TIPRL: variants seen among roughly 807,000 people sequenced by gnomAD.
TIPRL encodes TOR signaling pathway regulator, also known as TIP41-like protein.
In TIPRL, 10 loss-of-function variants were observed where a neutral mutation model predicts 32.3. The ratio of observed to expected loss-of-function variants is 0.31; its 90% confidence interval spans 0.19 to 0.52. The LOEUF is 0.52. TIPRL is among the 20% of genes least tolerant of loss of function. TIPRL has a pLI of 0.96. For missense variants in TIPRL, 250 were observed against 328.1 expected (o/e 0.76, Z 1.84); for synonymous variants, 100 against 114.0 (o/e 0.88, Z 0.78).
rs752044854 is a variant in TIPRL at position 168,184,804 on chromosome 1, G to T, written c.310G>T (p.Val104Phe). 4 of 1,612,536 alleles carry T rather than the reference G, an allele frequency of 2.5e-6. No individual in the cohort carries two copies. Among genetic ancestry groups the T allele is most frequent in the Non-Finnish European group, 3.4e-6 (4 of 1,179,048 alleles). ...GACGGAGGGTGAACACTCCAAAGAG[G>T]TTATTAAACCATATGATTGGACCTA... is the stretch of plus-strand genomic sequence containing the variant. ...SRTEGEHSKE[V>F]IKPYDWTYTT... The change falls in exon 3 of 7, where the codon GTT becomes TTT. Residue 104 changes from valine to phenylalanine, a missense_variant. Coordinates refer to ENST00000367833, the MANE Select transcript of TIPRL (RefSeq NM_152902.5).
At chr1:168,198,330 T>C (rs1168301300) in intron 5 of TIPRL, among the ~76,000 whole-genome samples, 1 of 152,106 alleles carries the variant, frequency 6.6e-6, no homozygotes, top group Admixed American at 6.5e-5. Context: ...ATTTTGTGGC[T>C]TTTCTTTTAT....
intron 4 of TIPRL, among the ~76,000 whole-genome samples, chr1:168,191,858 C>CGAAAAAAAA (rs1558164787): frequency 2.6e-5 from 1 of 38,898 alleles, no homozygotes; most frequent in Non-Finnish European, 5.6e-5. Context: ...GGCGACAGAG[C>CGAAAAAAAA]AAAAAAAAAA....
At chr1:168,199,420 G>A (rs1700187052) in intron 6 of TIPRL, among the ~76,000 whole-genome samples, 1 of 151,620 alleles carries the variant, frequency 6.6e-6, no homozygotes, top group Non-Finnish European at 1.5e-5. Flanking sequence ...CCCGGGACCT[G>A]TGAAGCCTTC....
intron 4 of TIPRL, among the ~76,000 whole-genome samples, chr1:168,195,296 T>G (rs1466823624): frequency 6.6e-6 from 1 of 152,242 alleles, no homozygotes; most frequent in Non-Finnish European, 1.5e-5. Context: ...GAAATTCTCC[T>G]TCCCATCTCT....
In TIPRL at chr1:168,201,255, A is replaced by C. The variant is rs1204223476; in HGVS notation, c.*1209A>C. 6.6e-6 allele frequency: 1 copy of C among 152,164 alleles called. No homozygotes were observed. The highest frequency in any genetic ancestry group is 1.5e-5 in the Non-Finnish European group (1 of 68,012). The allele number at this position is 152,164 out of a possible 1,614,324, so 9.4% of individuals were successfully genotyped here. ...AATATTTTTTTGAAGGGCAGGGGGAAAATTCACCCCTTTTCTGATTTGAAA... is the reference window on the plus strand; with the variant it reads ...AATATTTTTTTGAAGGGCAGGGGGACAATTCACCCCTTTTCTGATTTGAAA... On this transcript the variant is annotated 3_prime_UTR_variant, in exon 7 of 7. Transcript: ENST00000367833.
intron 4 of TIPRL, among the ~76,000 whole-genome samples, chr1:168,191,782 G>C (rs1206557715): frequency 2.0e-5 from 3 of 147,350 alleles, no homozygotes; most frequent in Non-Finnish European, 4.5e-5. Context: ...TGAGGCAGGA[G>C]AGTAGCGTGA....
At chr1:168,189,125 T>G (rs1700063200) in intron 3 of TIPRL, among the ~76,000 whole-genome samples, 1 of 152,226 alleles carries the variant, frequency 6.6e-6, no homozygotes, top group African/African-American at 2.4e-5. Context: ...GAGCCCAGCT[T>G]CTTCTCTGGA....
intron 1 of TIPRL, among the ~76,000 whole-genome samples, chr1:168,181,494 A>G (rs899578435): frequency 3.3e-5 from 5 of 151,168 alleles, no homozygotes; most frequent in African/African-American, 4.9e-5. Context: ...TTACAGGCAT[A>G]AGCCACCGCA....
At chr1:168,188,172 C>G (rs1700051354) in intron 3 of TIPRL, among the ~76,000 whole-genome samples, 1 of 152,142 alleles carries the variant, frequency 6.6e-6, no homozygotes, top group South Asian at 2.1e-4. Context: ...TCTGGAATCC[C>G]TAGTGTCTTT....
chr1:168,187,182 C>T (rs1700037418), intron 3 of TIPRL, among the ~76,000 whole-genome samples: 1 of 152,202 alleles, frequency 6.6e-6, no homozygotes, highest in South Asian at 2.1e-4. Context: ...GTCCCTTATA[C>T]TACTTCATAG....
At chr1:168,199,776 G>T in intron 6 of TIPRL, 127 bp from the exon 7 acceptor site, 1 of 784,818 alleles carries the variant, frequency 1.3e-6, no homozygotes, top group Non-Finnish European at 2.0e-6. Context: ...TTATTTTTAG[G>T]AGCACATATG....
At chr1:168,194,779 C>T (rs890545890) in intron 4 of TIPRL, among the ~76,000 whole-genome samples, 7 of 152,046 alleles carry the variant, frequency 4.6e-5, no homozygotes, top group East Asian at 3.8e-4. Context: ...CAGTTTTATC[C>T]GGAAAATGGT....
intron 3 of TIPRL, among the ~76,000 whole-genome samples, chr1:168,189,518 G>A (rs1283039146): frequency 6.6e-6 from 1 of 152,088 alleles, no homozygotes; most frequent in Non-Finnish European, 1.5e-5. Flanking sequence ...GCTAGTTTTT[G>A]TATTTTTAGT....
Position 168,183,919 on chromosome 1 carries a change from A to G in TIPRL, c.122A>G (p.His41Arg), listed in dbSNP as rs879181819. The G allele has an allele frequency of 6.2e-7, 1 of 1,613,920 alleles. No individual in the cohort carries two copies. The highest frequency in any genetic ancestry group is 2.2e-5 in the East Asian group (1 of 44,866). The part of the protein sequence containing the change: ...ADVEKLADEL[H>R]MPSLPEMMFG... Reference sequence around the variant, plus strand: ...ACGTATAGATTAGCCGATGAATTACATATGCCATCTCTCCCTGAAATGATG... The same window carrying G: ...ACGTATAGATTAGCCGATGAATTACGTATGCCATCTCTCCCTGAAATGATG... The change falls in exon 2 of 7, where the codon CAT (histidine) becomes CGT (arginine). Residue 41 changes from histidine to arginine, a missense_variant. By Grantham distance (29) the His-to-Arg change is conservative (BLOSUM62 0). Coordinates refer to ENST00000367833, the MANE Select transcript of TIPRL (RefSeq NM_152902.5).
chr1:168,179,198 C>T lies in TIPRL; in HGVS notation c.104+17C>T. On this transcript the variant is annotated intron_variant, in intron 1 of 6. Transcript: ENST00000367833. ...TGTGGAGAAGTGAGGCTTCGGGGCA[C>T]GGGGTCTGGGCGCTGGCCGGTTGCT... is the stretch of plus-strand genomic sequence containing the variant. The T allele has an allele frequency of 6.2e-7, 1 of 1,612,018 alleles. No individual in the cohort carries two copies. Among genetic ancestry groups the T allele is most frequent in the Non-Finnish European group, 8.5e-7 (1 of 1,178,494 alleles).
At chr1:168,190,866 A>G (rs1700087788) in intron 3 of TIPRL, among the ~76,000 whole-genome samples, 1 of 152,210 alleles carries the variant, frequency 6.6e-6, no homozygotes, top group Non-Finnish European at 1.5e-5. Flanking sequence ...GAATTTCTCT[A>G]CAAGTTCTTG....
At chr1:168,188,290 G>A (rs899719342) in intron 3 of TIPRL, among the ~76,000 whole-genome samples, 2 of 152,050 alleles carry the variant, frequency 1.3e-5, no homozygotes, top group Non-Finnish European at 2.9e-5. Context: ...TTTTTGTTTA[G>A]TTCTGACAGG....
intron 5 of TIPRL, among the ~76,000 whole-genome samples, chr1:168,198,003 A>C (rs984699957): frequency 3.3e-5 from 5 of 152,168 alleles, no homozygotes; most frequent in African/African-American, 4.8e-5. Flanking sequence ...GAAAGTAGGA[A>C]CTTAATGCCC....
intron 4 of TIPRL, among the ~76,000 whole-genome samples, chr1:168,193,586 A>G (rs1471189884): frequency 6.6e-6 from 1 of 152,142 alleles, no homozygotes; most frequent in Non-Finnish European, 1.5e-5. Flanking sequence ...TTTGTATCCA[A>G]GGGGGTATAT....
Sources: allele counts gnomAD v4.1 joint callset (sites outside exome capture counted in the v4.1 genomes callset), GRCh38; gene constraint gnomAD v4.1.1; transcripts MANE v1.5; gene names NCBI Gene and HGNC (gene_info 2026-07-23, HGNC 2026-07-21).